Variants in PEX14 observed in about 807,000 individuals in gnomAD.
PEX14 encodes peroxisomal membrane protein PEX14.
PEX14 carries 15 observed loss-of-function variants against 49.5 expected under a neutral mutation model. The ratio of observed to expected loss-of-function variants is 0.30; its 90% CI spans 0.20 to 0.47. The LOEUF (loss-of-function observed/expected upper bound fraction) is 0.47. Ranked by LOEUF, PEX14 falls within the 20% of genes least tolerant of loss-of-function variation. The pLI, the probability that PEX14 is intolerant of heterozygous loss-of-function variation, is 1.00. For missense variants in PEX14, 398 were observed against 494.8 expected (o/e 0.80, Z 1.86); for synonymous variants, 210 against 212.7 (o/e 0.99, Z 0.11).
intron 5 of PEX14, among the ~76,000 whole-genome samples, chr1:10,622,801 G>A (rs1237580755): frequency 6.6e-6 from 1 of 152,180 alleles, no homozygotes; most frequent in East Asian, 1.9e-4. Flanking sequence ...CCCTGTCCAC[G>A]TTCCCTCCTG....
At chr1:10,612,738 G>A (rs1450876121) in intron 4 of PEX14, among the ~76,000 whole-genome samples, 3 of 152,212 alleles carry the variant, frequency 2.0e-5, no homozygotes, top group Admixed American at 1.3e-4. Flanking sequence ...CCACCTCTGT[G>A]CTGTAGCAAG....
At chr1:10,600,168 C>G (rs1640942328) in intron 4 of PEX14, among the ~76,000 whole-genome samples, 1 of 152,230 alleles carries the variant, frequency 6.6e-6, no homozygotes, top group African/African-American at 2.4e-5. Flanking sequence ...GCCTCTAATC[C>G]CTGCACTTTG....
At chr1:10,520,346 A>G (rs1458593552) in intron 2 of PEX14, among the ~76,000 whole-genome samples, 2 of 151,694 alleles carry the variant, frequency 1.3e-5, no homozygotes, top group African/African-American at 4.9e-5. Flanking sequence ...TTTTGAAGAG[A>G]CAGGATTTCA....
chr1:10,476,579 C>A (rs1263881071), intron 1 of PEX14, among the ~76,000 whole-genome samples: 2 of 152,090 alleles, frequency 1.3e-5, no homozygotes, highest in Non-Finnish European at 2.9e-5. Flanking sequence ...CGGCTCACTG[C>A]CTCCCGGGTT....
rs1641839051 is a variant in PEX14, at chr1:10,629,309, G to A, written c.678-222G>A. Among the ~76,000 whole-genome samples the A allele has an allele frequency of 6.6e-6, 1 of 152,164 alleles. No homozygotes were observed. On this transcript the variant is annotated intron_variant, in intron 8 of 8. Transcript: ENST00000356607. This position sits in a 1 kb window ranked among gnomAD's most constrained non-coding sequence, Gnocchi z 8.5. ...CAGGGTGGGGGCCCGGGGGGACCCT[G>A]GGCTGTCTGTGGGGGCACAGGACCC...
In PEX14 at chr1:10,599,220, A is replaced by G. The variant is rs1209857680; in HGVS notation, c.170-18A>G. On this transcript the variant is annotated intron_variant, in intron 3 of 8. Transcript: ENST00000356607. The stretch of plus-strand genomic sequence containing the variant: ...TGACAAAAGGTACTCACCTGCAATG[A>G]TGTCCTCTTCTCCCCAGGGCTGACA... 1 of 1,613,792 alleles carries G rather than the reference A, an allele frequency of 6.2e-7. No individual in the cohort carries two copies. Among genetic ancestry groups the G allele is most frequent in the Admixed American group, 1.7e-5 (1 of 60,030 alleles).
In PEX14 at chr1:10,629,200, T is replaced by C. The variant is rs1202214866; in HGVS notation, c.678-331T>C. ...ACTGGGTTGGAGGCAGGGATGGTGC[T>C]GAGGATCAGAAGGAAGCAGGCTCCC... On this transcript the variant is annotated intron_variant, in intron 8 of 8. Coordinates refer to ENST00000356607, the MANE Select transcript of PEX14 (RefSeq NM_004565.3). The surrounding 1 kb of genome is among the most constrained non-coding windows in gnomAD (Gnocchi z 8.5). Among the ~76,000 whole-genome samples the C allele has an allele frequency of 6.6e-6, 1 of 152,210 alleles. No homozygotes were observed. The highest frequency in any genetic ancestry group is 1.5e-5 in the Non-Finnish European group (1 of 68,036).
At chr1:10,627,441 A>G in intron 8 of PEX14, 78 bp downstream of exon 8, 2 of 1,015,568 alleles carry the variant, frequency 2.0e-6, no homozygotes, top group Non-Finnish European at 3.1e-6. Context: ...TGGGAGGGGC[A>G]TGACGCCCAC....
intron 3 of PEX14, among the ~76,000 whole-genome samples, chr1:10,554,235 C>T (rs1324524699): frequency 2.1e-5 from 3 of 145,262 alleles, no homozygotes; most frequent in African/African-American, 7.6e-5. Context: ...ACCTGGGAGG[C>T]GGAGCTTGTA....
intron 2 of PEX14, among the ~76,000 whole-genome samples, chr1:10,513,755 T>C (rs1641924062): frequency 6.6e-6 from 1 of 152,238 alleles, no homozygotes; most frequent in African/African-American, 2.4e-5. Context: ...TTTAGCTGGC[T>C]GCTATATTGA....
chr1:10,614,517 A>T (rs1443837343), intron 4 of PEX14, among the ~76,000 whole-genome samples: 2 of 152,210 alleles, frequency 1.3e-5, no homozygotes, highest in Non-Finnish European at 2.9e-5. Flanking sequence ...CAACCCACAC[A>T]GCCAGCGTCT....
chr1:10,576,294 A>G (rs1257759927), intron 3 of PEX14, among the ~76,000 whole-genome samples: 3 of 152,190 alleles, frequency 2.0e-5, no homozygotes, highest in African/African-American at 7.2e-5. Context: ...ATTAAATAGT[A>G]ATAATTACAG....
intron 1 of PEX14, among the ~76,000 whole-genome samples, chr1:10,493,749 T>C (rs1471006109): frequency 6.6e-6 from 1 of 152,140 alleles, no homozygotes; most frequent in Non-Finnish European, 1.5e-5. Flanking sequence ...GCAGACTTGA[T>C]GTAATGAGTT....
At position 10,533,705 on chromosome 1, in the gene PEX14, C is replaced by T. The variant is rs572797344; in HGVS notation, c.85-2508C>T. Reference sequence around the variant, plus strand: ...TTTCCCAATTGAATCAGACCCACCACAGGTGTAATAACTAATCATTTAAAC... The same window carrying T: ...TTTCCCAATTGAATCAGACCCACCATAGGTGTAATAACTAATCATTTAAAC... On this transcript the variant is annotated intron_variant, in intron 2 of 8. Transcript: ENST00000356607. Among the ~76,000 whole-genome samples, 16 of 152,342 alleles carry T rather than the reference C, an allele frequency of 1.1e-4. No individual in the cohort carries two copies. The South Asian group carries it at 3.1e-3, about 30-fold the overall frequency.
At chr1:10,550,291 T>C (rs919450523) in intron 3 of PEX14, among the ~76,000 whole-genome samples, 1 of 152,198 alleles carries the variant, frequency 6.6e-6, no homozygotes, top group African/African-American at 2.4e-5. Flanking sequence ...TGATTTGATC[T>C]AGGAACTCCT....
At chr1:10,554,710 GCTTT>G (rs1639435463) in intron 3 of PEX14, among the ~76,000 whole-genome samples, 1 of 142,670 alleles carries the variant, frequency 7.0e-6, no homozygotes, top group Admixed American at 7.2e-5. Context: ...TAGGCTGTAT[GCTTT>G]TTTTTCTTTT....
At chr1:10,485,856 A>C (rs914676517) in intron 1 of PEX14, among the ~76,000 whole-genome samples, 38 of 151,110 alleles carry the variant, frequency 2.5e-4, no homozygotes, top group African/African-American at 9.1e-4. Flanking sequence ...CCTGGGTTCA[A>C]GCGATTCTCC....
intron 3 of PEX14, among the ~76,000 whole-genome samples, chr1:10,582,310 T>C (rs1317063865): frequency 6.6e-6 from 1 of 152,202 alleles, no homozygotes; most frequent in Non-Finnish European, 1.5e-5. Flanking sequence ...GAACAATTAT[T>C]TGGTGAATGA....
chr1:10,506,286 G>GT (rs1052565240), intron 2 of PEX14, among the ~76,000 whole-genome samples: 2 of 151,934 alleles, frequency 1.3e-5, no homozygotes, highest in South Asian at 2.1e-4. Context: ...TTTTTTGTGT[G>GT]TTTTTTTGAG....
Sources: gnomAD v4.1 joint callset for allele counts (sites outside exome capture counted in the v4.1 genomes callset) on GRCh38, gnomAD v4.1.1 for gene constraint, Gnocchi (gnomAD v3.1) non-coding constraint, MANE v1.5 for transcripts, NCBI Gene and HGNC (gene_info 2026-07-23, HGNC 2026-07-21) for gene names.